Variants in RIMS1 observed in about 807,000 individuals in gnomAD.
RIMS1 encodes regulating synaptic membrane exocytosis protein 1.
RIMS1 carries 83 observed loss-of-function variants against 214.1 expected under a neutral mutation model. The observed-to-expected ratio is 0.39, with a 90% CI of 0.32 to 0.47. The LOEUF is 0.47. Among genes scored for constraint, RIMS1 ranks in the 20% least tolerant of loss-of-function variants. The pLI, the probability that RIMS1 is intolerant of heterozygous loss-of-function variation, is 0.99. For missense variants in RIMS1, 2,050 were observed against 2,161.8 expected, an observed-to-expected ratio of 0.95 and a Z score of 1.03; for synonymous variants, 793 against 786.8, an observed-to-expected ratio of 1.01 and a Z score of -0.13.
chr6:72,151,446 T>G (rs2043572277), intron 4 of RIMS1, among the ~76,000 whole-genome samples: 1 of 152,078 alleles, frequency 6.6e-6, no homozygotes, highest in Non-Finnish European at 1.5e-5. Flanking sequence ...CTTGAGAGGG[T>G]TTCTGATTTT....
intron 4 of RIMS1, among the ~76,000 whole-genome samples, chr6:72,105,154 G>A (rs1034294832): frequency 7.2e-5 from 11 of 151,880 alleles, no homozygotes; most frequent in African/African-American, 9.7e-5. Flanking sequence ...TGCTGGTCTC[G>A]AACTCCTGGG....
intron 2 of RIMS1, among the ~76,000 whole-genome samples, chr6:72,063,965 CT>C (rs1178457288): frequency 6.6e-6 from 1 of 152,136 alleles, no homozygotes; most frequent in Non-Finnish European, 1.5e-5. Context: ...CTCTTTACCT[CT>C]TTACTTGTCT....
chr6:72,054,577 C>T (rs891838078), intron 2 of RIMS1, among the ~76,000 whole-genome samples: 13 of 152,136 alleles, frequency 8.5e-5, no homozygotes, highest in African/African-American at 2.4e-4. Flanking sequence ...TCCACAGCCT[C>T]GCCAACATCT....
chr6:72,330,560 C>T (rs1233314426), intron 28 of RIMS1, among the ~76,000 whole-genome samples: 6 of 151,490 alleles, frequency 4.0e-5, no homozygotes, highest in Non-Finnish European at 7.4e-5. Context: ...TATCAGAATC[C>T]CAATATAACC....
At chr6:72,167,251 C>G (rs2463746) in intron 4 of RIMS1, among the ~76,000 whole-genome samples, 105,162 of 151,544 alleles carry the variant, frequency 0.69, 36,955 homozygotes, top group East Asian at 0.84. Flanking sequence ...ATATATATTT[C>G]CATTGCTAGG....
intron 2 of RIMS1, among the ~76,000 whole-genome samples, chr6:71,987,242 A>C (rs1460717251): frequency 9.2e-5 from 14 of 152,148 alleles, no homozygotes; most frequent in Admixed American, 9.2e-4. Flanking sequence ...CTATTAAAAA[A>C]TGCTTTTGAC....
intron 29 of RIMS1, among the ~76,000 whole-genome samples, chr6:72,369,520 C>T (rs2098149205): frequency 6.6e-6 from 1 of 152,172 alleles, no homozygotes; most frequent in African/African-American, 2.4e-5. Flanking sequence ...CTAGAGCTCT[C>T]AGGCACCGGC....
intron 2 of RIMS1, among the ~76,000 whole-genome samples, chr6:72,080,374 A>G (rs998127571): frequency 5.3e-5 from 8 of 152,298 alleles, no homozygotes; most frequent in Non-Finnish European, 8.8e-5. Flanking sequence ...GATGTAACTG[A>G]ACACTCCCCA....
chr6:71,918,568 G>A (rs1485413356), intron 1 of RIMS1, among the ~76,000 whole-genome samples: 1 of 152,174 alleles, frequency 6.6e-6, no homozygotes, highest in Non-Finnish European at 1.5e-5. Flanking sequence ...GCAGTATGGG[G>A]ATAATTTGAC....
At chr6:72,366,405 C>T (rs1262204291) in intron 29 of RIMS1, among the ~76,000 whole-genome samples, 4 of 152,188 alleles carry the variant, frequency 2.6e-5, no homozygotes, top group African/African-American at 7.2e-5. Context: ...TCTGAGATTT[C>T]TTACCTAATT....
intron 2 of RIMS1, among the ~76,000 whole-genome samples, chr6:72,037,085 C>G (rs1371400990): frequency 6.6e-6 from 1 of 151,286 alleles, no homozygotes; most frequent in African/African-American, 2.4e-5. Flanking sequence ...TTATAAAATC[C>G]TTAGTGAACT....
chr6:71,996,326 G>C (rs1170196716), intron 2 of RIMS1, among the ~76,000 whole-genome samples: 1 of 152,116 alleles, frequency 6.6e-6, no homozygotes, highest in Non-Finnish European at 1.5e-5. Context: ...GCTATAAATA[G>C]CATCTATGTC....
chr6:72,300,823 G>A (rs2094531849), intron 26 of RIMS1, among the ~76,000 whole-genome samples: 1 of 151,672 alleles, frequency 6.6e-6, no homozygotes. Flanking sequence ...TCTGGAGTTG[G>A]ACATCCTGAG....
At chr6:71,933,534 A>T (rs1220995749) in intron 1 of RIMS1, among the ~76,000 whole-genome samples, 1 of 152,120 alleles carries the variant, frequency 6.6e-6, no homozygotes, top group Admixed American at 6.5e-5. Context: ...TTACACTGGA[A>T]ACGGAAATGG....
Position 72,332,195 on chromosome 6 carries a change from T to C in RIMS1, c.4131-1405T>C, listed in dbSNP as rs545245716. Among the ~76,000 whole-genome samples, 6 of 151,906 alleles carry C rather than the reference T, an allele frequency of 3.9e-5. No individual in the cohort carries two copies. The South Asian group carries it at 1.2e-3, about 31-fold the overall frequency. The stretch of plus-strand genomic sequence containing the variant: ...GATGCTATATCAGCTAGTGTGTATT[T>C]TGTAGTTCAAAACAAGAAGTAGAAA... On this transcript the variant is annotated intron_variant, in intron 28 of 33. Coordinates refer to ENST00000521978, the MANE Select transcript of RIMS1 (RefSeq NM_014989.7).
chr6:72,006,504 C>A (rs867845633), intron 2 of RIMS1, among the ~76,000 whole-genome samples: 1 of 152,090 alleles, frequency 6.6e-6, no homozygotes, highest in Non-Finnish European at 1.5e-5. Context: ...TGCAGTGCAC[C>A]GAGTGTGATC....
At chr6:71,906,820 C>T (rs1209519426) in intron 1 of RIMS1, among the ~76,000 whole-genome samples, 2 of 152,148 alleles carry the variant, frequency 1.3e-5, no homozygotes, top group African/African-American at 4.8e-5. Context: ...ATTAAGAATA[C>T]ACTTAGCACA....
At position 72,156,300 on chromosome 6, in the gene RIMS1, T is replaced by A. The variant is rs956749192; in HGVS notation, c.472-23275T>A. Among the ~76,000 whole-genome samples the A allele has an allele frequency of 2.8e-5, 4 of 140,658 alleles. 1 individual carries two copies. Among genetic ancestry groups the A allele is most frequent in the Non-Finnish European group, 6.5e-5 (4 of 61,808 alleles). The allele number at this position is 140,658 out of a possible 152,430, so 92.3% of individuals were successfully genotyped here. A position where few individuals can be genotyped will look rare whatever the true frequency, so the allele number is the denominator to read the frequency against. ...TATTCGGCCTTAAAAAAGAAGGAAT[T>A]CCTATTATTTGTGACAACCTGGATG... is the stretch of plus-strand genomic sequence containing the variant. On this transcript the variant is annotated intron_variant, in intron 4 of 33. Transcript: ENST00000521978.
At chr6:72,028,315 A>G (rs1817109349) in intron 2 of RIMS1, among the ~76,000 whole-genome samples, 1 of 151,010 alleles carries the variant, frequency 6.6e-6, no homozygotes, top group Non-Finnish European at 1.5e-5. Context: ...AAACTAGTAA[A>G]TATATAGACC....
Sources: allele counts gnomAD v4.1 joint callset (sites outside exome capture counted in the v4.1 genomes callset), GRCh38; gene constraint gnomAD v4.1.1; transcripts MANE v1.5; gene names NCBI Gene and HGNC (gene_info 2026-07-23, HGNC 2026-07-21).